DNAAF10: variants seen among roughly 807,000 people sequenced by gnomAD.
The protein encoded by DNAAF10 is dynein axonemal assembly factor 10, also known as WD repeat domain 92.
In DNAAF10, 28 loss-of-function variants were observed where a neutral mutation model predicts 43.7. The observed-to-expected ratio is 0.64, with a 90% confidence interval of 0.48 to 0.88. The LOEUF (loss-of-function observed/expected upper bound fraction) is 0.88, where lower values mean the gene tolerates loss of function less well. Ranked by LOEUF, DNAAF10 falls within the 40% of genes least tolerant of loss-of-function variation. DNAAF10 has a pLI of 0.00. For synonymous variants in DNAAF10, 156 were observed against 157.3 expected, an observed-to-expected ratio of 0.99 and a Z score of 0.06; for missense variants, 403 against 439.1, an observed-to-expected ratio of 0.92 and a Z score of 0.73.
chr2:68,142,005 A>G (rs1039069341), intron 3 of DNAAF10, among the ~76,000 whole-genome samples: 5 of 152,210 alleles, frequency 3.3e-5, no homozygotes, highest in African/African-American at 1.2e-4. Context: ...CTTGGTTTCC[A>G]AATTAATAGA....
At chr2:68,150,474 TATA>T (rs760862152) in intron 1 of DNAAF10, among the ~76,000 whole-genome samples, 2 of 152,226 alleles carry the variant, frequency 1.3e-5, no homozygotes, top group Non-Finnish European at 2.9e-5. Context: ...GGCTCACGCC[TATA>T]ATATCAGCAC....
chr2:68,134,493 AT>A, intron 7 of DNAAF10: 1 of 1,365,772 alleles, frequency 7.3e-7, no homozygotes, highest in Non-Finnish European at 9.4e-7. Flanking sequence ...ACTAAAATGT[AT>A]CAAAAGAAGA....
chr2:68,143,871 T>TAA (rs1399208377), intron 3 of DNAAF10, among the ~76,000 whole-genome samples: 1 of 152,186 alleles, frequency 6.6e-6, no homozygotes, highest in African/African-American at 2.4e-5. Context: ...TTAAAAAAAA[T>TAA]AAGTGATTTC....
chr2:68,147,110 C>G (rs1572924684), intron 2 of DNAAF10, among the ~76,000 whole-genome samples: 1 of 152,232 alleles, frequency 6.6e-6, no homozygotes, highest in Middle Eastern at 3.4e-3. Flanking sequence ...TAAATAATAT[C>G]TACTTTTTCA....
At chr2:68,149,136 G>T (rs925211374) in intron 1 of DNAAF10, among the ~76,000 whole-genome samples, 5 of 152,076 alleles carry the variant, frequency 3.3e-5, no homozygotes, top group African/African-American at 1.2e-4. Context: ...TCTATATAGG[G>T]TATATTATCC....
chr2:68,143,461 C>T (rs371573032), intron 3 of DNAAF10, among the ~76,000 whole-genome samples: 2 of 152,082 alleles, frequency 1.3e-5, no homozygotes, highest in East Asian at 1.9e-4. Context: ...GGATTATAGG[C>T]GTGACTGTAC....
At chr2:68,146,103 AAC>A (rs1208859936) in intron 2 of DNAAF10, among the ~76,000 whole-genome samples, 1 of 152,248 alleles carries the variant, frequency 6.6e-6, no homozygotes, top group African/African-American at 2.4e-5. Flanking sequence ...CTCTACTAAA[AAC>A]ACAAAAAATT....
At chr2:68,141,314 T>C (rs1435955401) in intron 4 of DNAAF10, among the ~76,000 whole-genome samples, 15 of 152,252 alleles carry the variant, frequency 9.9e-5, no homozygotes, top group Non-Finnish European at 2.2e-4. Context: ...TGTCTGACTT[T>C]AAATTAGGTC....
rs1673107444 is a variant in DNAAF10 at position 68,138,826 on chromosome 2, A to G, written c.549T>C (p.Val183=). 3 of 1,614,130 alleles carry G rather than the reference A, an allele frequency of 1.9e-6. No homozygotes were observed. The East Asian group carries it at 6.7e-5, about 36-fold the overall frequency. Residue 183 remains valine (V), a synonymous_variant, in exon 5 of 8, where the codon GTT becomes GTC. Coordinates refer to ENST00000295121, the MANE Select transcript of DNAAF10 (RefSeq NM_138458.4). ...GNAYNQEERV[V]CAGYDNGDIK... is the part of the protein sequence containing the mutation. Reference sequence around the variant, plus strand: ...TATCCCCATTGTCATAGCCAGCACAAACAACACGTTCTTCTTGATTATAAG... The same window carrying G: ...TATCCCCATTGTCATAGCCAGCACAGACAACACGTTCTTCTTGATTATAAG...
Position 68,141,680 on chromosome 2 carries a change from C to A in DNAAF10, c.517+14G>T, listed in dbSNP as rs1295081990. The A allele has an allele frequency of 1.2e-6, 2 of 1,608,400 alleles. No individual in the cohort carries two copies. Among genetic ancestry groups the A allele is most frequent in the Admixed American group, 3.4e-5 (2 of 59,260 alleles). On this transcript the variant is annotated intron_variant, in intron 4 of 7. Transcript: ENST00000295121. Reference sequence around the variant, plus strand: ...ATCTGATAATTCAAATGCAAGAATTCTTCAATAATTTACCAAATGCCACAG... The same window carrying A: ...ATCTGATAATTCAAATGCAAGAATTATTCAATAATTTACCAAATGCCACAG...
Position 68,157,296 on chromosome 2 carries a change from C to A in DNAAF10, c.148G>T (p.Glu50Ter). 1 of 1,614,096 alleles carries A rather than the reference C, an allele frequency of 6.2e-7. No homozygotes were observed. Among genetic ancestry groups the A allele is most frequent in the Non-Finnish European group, 8.5e-7 (1 of 1,179,984 alleles). ...ARGTGVIQLY[E>*]IQHGDLKLLR... ...AGCTTCAGGTCCCCGTGCTGGATCT[C>A]GTACAGCTGAATGACGCCGGTGCCC... Residue 50 changes from glutamate (E) to a stop codon, truncating the protein, a stop_gained, in exon 1 of 8, where the codon GAG (glutamate) becomes TAG (stop). Coordinates refer to ENST00000295121, the MANE Select transcript of DNAAF10 (RefSeq NM_138458.4). LOFTEE classifies it high-confidence loss of function.
intron 1 of DNAAF10, among the ~76,000 whole-genome samples, 198 bp from the exon 2 acceptor site, chr2:68,147,765 AGT>A (rs1673356380): frequency 6.6e-6 from 1 of 152,200 alleles, no homozygotes; most frequent in Non-Finnish European, 1.5e-5. Context: ...AAAAAGAAAA[AGT>A]GTTAATTTGC....
chr2:68,130,927 T>TC lies in DNAAF10; in HGVS notation c.*310_*311insG, dbSNP rs1672918242. 5.9e-6 allele frequency: 1 copy of TC among 170,284 alleles called. No homozygotes were observed. The highest frequency in any genetic ancestry group is 1.2e-5 in the Non-Finnish European group (1 of 80,926). 10.5% of individuals were successfully genotyped at this position (170,284 alleles called of 1,614,324 possible). A position where few individuals can be genotyped will look rare whatever the true frequency, so the allele number is the denominator to read the frequency against. ...CAAGTCCAAAGTCTTTTTTTTTTTT[T>TC]TTTTTTTTGAGACAGTCTTGCTCAG... is the stretch of plus-strand genomic sequence containing the variant. On this transcript the variant is annotated 3_prime_UTR_variant, in exon 8 of 8. Transcript: ENST00000295121.
chr2:68,154,525 C>T (rs1673539835), intron 1 of DNAAF10, among the ~76,000 whole-genome samples: 1 of 152,208 alleles, frequency 6.6e-6, no homozygotes, highest in African/African-American at 2.4e-5. Context: ...GGATTACAGG[C>T]GTGAGCCACC....
At chr2:68,132,411 G>A (rs561827540) in intron 7 of DNAAF10, among the ~76,000 whole-genome samples, 1 of 152,280 alleles carries the variant, frequency 6.6e-6, no homozygotes, top group East Asian at 1.9e-4. Flanking sequence ...ACATTCAGAT[G>A]AATAAATGGT....
At chr2:68,148,655 A>G (rs1329771514) in intron 1 of DNAAF10, among the ~76,000 whole-genome samples, 3 of 152,140 alleles carry the variant, frequency 2.0e-5, no homozygotes, top group Non-Finnish European at 4.4e-5. Context: ...GAGGCCACTG[A>G]TATCTGTCCC....
At chr2:68,148,579 C>T (rs1673380363) in intron 1 of DNAAF10, among the ~76,000 whole-genome samples, 1 of 152,112 alleles carries the variant, frequency 6.6e-6, no homozygotes, top group Admixed American at 6.5e-5. Context: ...ACTGAAGTCC[C>T]TCCTACAGTC....
rs1351485153 is a variant in DNAAF10, at chr2:68,137,450, CTTA to C, written c.634-20_634-18del. ...GCTACACACCTGAAAACAGAGAATACTTATTATTGGTAGTCTCACCAGTATTAC... is the reference window on the plus strand; with the variant it reads ...GCTACACACCTGAAAACAGAGAATACTTATTGGTAGTCTCACCAGTATTAC... On this transcript the variant is annotated intron_variant, in intron 5 of 7. Transcript: ENST00000295121. 27 of 1,601,234 alleles carry C rather than the reference CTTA, an allele frequency of 1.7e-5. No homozygotes were observed. In the Middle Eastern group the frequency reaches 6.8e-4, roughly 41 times the overall value.
Position 68,157,381 on chromosome 2 carries a change from C to T in DNAAF10, c.63G>A (p.Val21=). 2 of 1,614,208 alleles carry T rather than the reference C, an allele frequency of 1.2e-6. No individual in the cohort carries two copies. Among genetic ancestry groups the T allele is most frequent in the Non-Finnish European group, 8.5e-7 (1 of 1,180,032 alleles). The part of the protein sequence containing the change: ...AHIQKGFNYT[V]FDCKWVPCSA... ...TGCAGGGCACCCACTTACAGTCAAA[C>T]ACCGTGTAGTTGAAGCCCTTCTGGA... The change falls in exon 1 of 8, where the codon GTG becomes GTA. Residue 21 remains valine (V), a synonymous_variant. Transcript: ENST00000295121.
Sources: gnomAD v4.1 joint callset for allele counts (sites outside exome capture counted in the v4.1 genomes callset) on GRCh38, gnomAD v4.1.1 for gene constraint, MANE v1.5 for transcripts, NCBI Gene and HGNC (gene_info 2026-07-23, HGNC 2026-07-21) for gene names.